Variants in DNMT1 observed in about 807,000 individuals in gnomAD.
DNMT1 encodes DNA (cytosine-5)-methyltransferase 1.
In DNMT1, 24 loss-of-function variants were observed where a neutral mutation model predicts 205.3. The ratio of observed to expected loss-of-function variants is 0.12; its 90% CI spans 0.08 to 0.16. The LOEUF is 0.16. Among genes scored for constraint, DNMT1 ranks in the 10% least tolerant of loss-of-function variants. The pLI, the probability that DNMT1 is intolerant of heterozygous loss-of-function variation, is 1.00. For missense variants in DNMT1, 1,293 were observed against 2,177.7 expected, an observed-to-expected ratio of 0.59 and a Z score of 8.09; for synonymous variants, 817 against 839.8, an observed-to-expected ratio of 0.97 and a Z score of 0.47.
Position 10,159,947 on chromosome 19 carries a change from T to TGGCACTCAGAGAGC in DNMT1, c.1090-39_1090-26dup, listed in dbSNP as rs2038532397. ...TCTGTGGGAGCAGGAACACAGATGA[T>TGGCACTCAGAGAGC]GGCACTCAGAGAGCAGCTCCCAGCC... is the stretch of plus-strand genomic sequence containing the variant. On this transcript the variant is annotated intron_variant, in intron 15 of 40. Transcript: ENST00000359526. The surrounding 1 kb of genome is among the most constrained non-coding windows in gnomAD (Gnocchi z 5.0). 1.2e-6 allele frequency: 2 copies of TGGCACTCAGAGAGC among 1,614,196 alleles called. No homozygotes were observed. Among genetic ancestry groups the TGGCACTCAGAGAGC allele is most frequent in the South Asian group, 1.1e-5 (1 of 91,080 alleles).
At position 10,151,925 on chromosome 19, in the gene DNMT1, C is replaced by A; in HGVS notation, c.2020-78G>T. ...CTGTAATCCCAGTATTTCAGAAGGCCGAGGCAGGCAGATCACTTAAGGTCA... is the reference window on the plus strand; with the variant it reads ...CTGTAATCCCAGTATTTCAGAAGGCAGAGGCAGGCAGATCACTTAAGGTCA... On this transcript the variant is annotated intron_variant, in intron 22 of 40. Coordinates refer to ENST00000359526, the MANE Select transcript of DNMT1 (RefSeq NM_001130823.3). The surrounding 1 kb of genome is among the most constrained non-coding windows in gnomAD (Gnocchi z 5.0). The A allele has an allele frequency of 7.1e-7, 1 of 1,405,076 alleles. No individual in the cohort carries two copies. The highest frequency in any genetic ancestry group is 1.0e-6 in the Non-Finnish European group (1 of 993,614). 87.0% of individuals were successfully genotyped at this position (1,405,076 alleles called of 1,614,324 possible). A position where few individuals can be genotyped will look rare whatever the true frequency, so the allele number is the denominator to read the frequency against.
chr19:10,160,191 C>CA, intron 14 of DNMT1, 128 bp from the exon 15 acceptor site: 1 of 1,562,056 alleles, frequency 6.4e-7, no homozygotes, highest in South Asian at 1.1e-5. Flanking sequence ...CAGTGAGGCC[C>CA]AGGCGCGTGG....
chr19:10,163,068 A>G (rs2038612164), intron 12 of DNMT1: 2 of 557,810 alleles, frequency 3.6e-6, no homozygotes, highest in African/African-American at 1.9e-5. Flanking sequence ...GGCTTCTAGC[A>G]GTTCTGCCTC....
chr19:10,135,320 T>C (rs552002971), intron 39 of DNMT1: 2 of 207,302 alleles, frequency 9.6e-6, no homozygotes, highest in South Asian at 1.6e-4. Flanking sequence ...TTTTAAGCAA[T>C]GCGCGTGCCC....
rs761271617 is a variant in DNMT1 at position 10,146,139 on chromosome 19, G to A, written c.2894+212C>T. 8.6e-5 allele frequency among the ~76,000 whole-genome samples: 13 copies of A among 152,020 alleles called. No individual in the cohort carries two copies. The highest frequency in any genetic ancestry group is 2.1e-4 in the South Asian group (1 of 4,830). Reference sequence around the variant, plus strand: ...AGAAACCACACCCAGCCAAACCAGCGAGTTGACTTTTACGCTCAGCTTTGC... The same window carrying A: ...AGAAACCACACCCAGCCAAACCAGCAAGTTGACTTTTACGCTCAGCTTTGC... On this transcript the variant is annotated intron_variant, in intron 28 of 40. Transcript: ENST00000359526. The surrounding 1 kb of genome is among the most constrained non-coding windows in gnomAD (Gnocchi z 4.4).
chr19:10,141,185 T>C lies in DNMT1; in HGVS notation c.3314A>G (p.Tyr1105Cys). Reference protein sequence around the residue: ...GPNRFYFLEAYNAKSKSFEDP... With the variant: ...GPNRFYFLEACNAKSKSFEDP... ...TTCAAAGCTTTTGCTCTTTGCATTA[T>C]AGGCCTGAAAAGGAGAGAACTGCAA... is the stretch of plus-strand genomic sequence containing the variant. Residue 1105 changes from tyrosine to cysteine, a missense_variant, in exon 31 of 41, where the codon TAT becomes TGT. Physicochemically the swap from Tyr to Cys is radical, Grantham distance 194. Transcript: ENST00000359526. The C allele has an allele frequency of 1.2e-6, 2 of 1,614,008 alleles. No individual in the cohort carries two copies. The highest frequency in any genetic ancestry group is 1.7e-6 in the Non-Finnish European group (2 of 1,180,026).
At chr19:10,185,880 A>C (rs538992833) in intron 1 of DNMT1, among the ~76,000 whole-genome samples, 179 of 151,056 alleles carry the variant, frequency 1.2e-3, no homozygotes, top group Non-Finnish European at 2.0e-3. Context: ...TGACATCAGG[A>C]TTTCCAGGAG....
At chr19:10,177,462 T>C (rs2038958184) in intron 5 of DNMT1, 95 bp from the exon 6 acceptor site, 1 of 1,222,708 alleles carries the variant, frequency 8.2e-7, no homozygotes, top group Non-Finnish European at 1.2e-6. Context: ...ACTAAGCTAT[T>C]GCAGGAAGCC....
rs752160410 is a variant in DNMT1, at chr19:10,194,885, G to A, written c.15C>T (p.Thr5=). The part of the protein sequence containing the change: MPAR[T]APARVPTLAV... ...CCAGTGTGGGCACCCGGGCTGGGGC[G>A]GTACGCGCCGGCATCTCGGAGGCTT... The change falls in exon 1 of 41, where the codon ACC becomes ACT. Residue 5 remains threonine (T), a synonymous_variant. Transcript: ENST00000359526. The A allele has an allele frequency of 5.0e-6, 8 of 1,609,324 alleles. No homozygotes were observed. The highest frequency in any genetic ancestry group is 1.6e-4 in the Middle Eastern group (1 of 6,066).
intron 28 of DNMT1, among the ~76,000 whole-genome samples, chr19:10,145,456 C>T (rs1053317215): frequency 2.7e-5 from 4 of 150,738 alleles, no homozygotes; most frequent in Admixed American, 6.7e-5. Flanking sequence ...AATTGTGAGC[C>T]GGGAAGGCAT....
chr19:10,144,950 CTGGTCT>C (rs1179795150), intron 28 of DNMT1, among the ~76,000 whole-genome samples: 3 of 152,322 alleles, frequency 2.0e-5, no homozygotes, highest in African/African-American at 7.2e-5. Context: ...GTCGGCCAGG[CTGGTCT>C]TGGTCTTGAA....
At chr19:10,166,041 G>A (rs891763941) in intron 11 of DNMT1, among the ~76,000 whole-genome samples, 5 of 152,028 alleles carry the variant, frequency 3.3e-5, no homozygotes, top group South Asian at 2.1e-4. Context: ...GGGACCCGCC[G>A]CCCCCCACCG....
At chr19:10,167,117 C>G (rs1415692988) in intron 10 of DNMT1, among the ~76,000 whole-genome samples, 1 of 152,168 alleles carries the variant, frequency 6.6e-6, no homozygotes, top group Admixed American at 6.6e-5. Context: ...CCCTGCCGCT[C>G]AGGTGGGGTA....
rs141856197 is a variant in DNMT1, at chr19:10,142,181, G to A, written c.3156C>T (p.His1052=). 1.1e-4 allele frequency: 180 copies of A among 1,613,938 alleles called. No individual in the cohort carries two copies. The highest frequency in any genetic ancestry group is 1.4e-4 in the Non-Finnish European group (166 of 1,180,036). ...NTHKSTPASY[H]ADINLLYWSD... is the part of the protein sequence containing the mutation. ...TCCAGTAGAGCAGGTTGATGTCTGC[G>A]TGGTAGCTCGCTGGAGTGGACTTGT... is the stretch of plus-strand genomic sequence containing the variant. The change falls in exon 30 of 41, where the codon CAC becomes CAT. Residue 1052 remains histidine, a synonymous_variant. Coordinates refer to ENST00000359526, the MANE Select transcript of DNMT1 (RefSeq NM_001130823.3).
In DNMT1 at chr19:10,149,477, G is replaced by A; in HGVS notation, c.2562C>T (p.Ala854=). The A allele has an allele frequency of 1.2e-6, 2 of 1,614,096 alleles. No homozygotes were observed. The highest frequency in any genetic ancestry group is 1.7e-6 in the Non-Finnish European group (2 of 1,180,006). ...IHSKVKVIYK[A]PSENWAMEGG... ...CCTCCATGGCCCAGTTTTCGGAGGGGGCTTTGTAGATGACTTTCACTTTGC... is the reference window on the plus strand; with the variant it reads ...CCTCCATGGCCCAGTTTTCGGAGGGAGCTTTGTAGATGACTTTCACTTTGC... Residue 854 remains alanine, a synonymous_variant, in exon 26 of 41, where the codon GCC becomes GCT. Transcript: ENST00000359526.
intron 1 of DNMT1, among the ~76,000 whole-genome samples, chr19:10,189,411 A>G (rs925805049): frequency 2.8e-5 from 4 of 144,328 alleles, no homozygotes; most frequent in Non-Finnish European, 3.0e-5. Context: ...GTGAGCCACC[A>G]CGCCCAGCTG....
Position 10,133,480 on chromosome 19 carries a change from G to A in DNMT1, c.*187C>T. 1 of 665,324 alleles carries A rather than the reference G, an allele frequency of 1.5e-6. No homozygotes were observed. The highest frequency in any genetic ancestry group is 2.6e-6 in the Non-Finnish European group (1 of 379,336). The allele number at this position is 665,324 out of a possible 1,614,324, so 41.2% of individuals were successfully genotyped here. On this transcript the variant is annotated 3_prime_UTR_variant, in exon 41 of 41. Coordinates refer to ENST00000359526, the MANE Select transcript of DNMT1 (RefSeq NM_001130823.3). This position sits in a 1 kb window ranked among gnomAD's most constrained non-coding sequence, Gnocchi z 4.1. Reference sequence around the variant, plus strand: ...ACTTTTAAAATCCAGAATGCACAAAGTACTGCACAATTTGATCACTAAATC... The same window carrying A: ...ACTTTTAAAATCCAGAATGCACAAAATACTGCACAATTTGATCACTAAATC...
chr19:10,182,413 ATGTGTATATATATG>A (rs1387357098), intron 1 of DNMT1, among the ~76,000 whole-genome samples: 107 of 72,240 alleles, frequency 1.5e-3, no homozygotes, highest in African/African-American at 3.5e-3. Flanking sequence ...ATACATATAT[ATGTGTATATATATG>A]TGTGTATATA....
At chr19:10,177,598 A>G (rs1294735716) in intron 5 of DNMT1, among the ~76,000 whole-genome samples, 2 of 152,166 alleles carry the variant, frequency 1.3e-5, no homozygotes, top group South Asian at 2.1e-4. Flanking sequence ...GCCAAATGCT[A>G]AAGAAGGCCA....
Sources: allele counts gnomAD v4.1 joint callset (sites outside exome capture counted in the v4.1 genomes callset), GRCh38; gene constraint gnomAD v4.1.1; non-coding constraint Gnocchi (gnomAD v3.1); transcripts MANE v1.5; gene names NCBI Gene and HGNC (gene_info 2026-07-23, HGNC 2026-07-21).